The following ZEB2 variants were observed in gnomAD, a reference collection of about 807,000 sequenced individuals.
The protein encoded by ZEB2 is zinc finger E-box binding homeobox 2, also known as zinc finger E-box-binding homeobox 2.
Under a neutral mutation model 99.9 loss-of-function variants are expected in ZEB2, and 6 were observed. The observed-to-expected ratio is 0.06, with a 90% CI of 0.03 to 0.12. ZEB2 has a LOEUF of 0.12. Among genes scored for constraint, ZEB2 ranks in the 10% least tolerant of loss-of-function variants. The pLI is 1.00. For synonymous variants in ZEB2, 517 were observed against 542.5 expected (o/e 0.95, Z 0.65); for missense variants, 969 against 1,502.8 (o/e 0.64, Z 5.87).
chr2:144,469,768 A>G (rs1016046942), intron 2 of ZEB2, among the ~76,000 whole-genome samples: 1 of 152,202 alleles, frequency 6.6e-6, no homozygotes, highest in Non-Finnish European at 1.5e-5. Context: ...GAAAACATCA[A>G]AGAAACAAGA....
At chr2:144,463,586 T>C (rs757240702) in intron 2 of ZEB2, 1 of 152,104 alleles carries the variant, frequency 6.6e-6, no homozygotes, top group African/African-American at 2.4e-5. Context: ...CCCAGCACTT[T>C]GGGAGGCTGA....
chr2:144,441,164 CGAGAGAGAGA>C (rs113731061), intron 2 of ZEB2, among the ~76,000 whole-genome samples: 28 of 88,924 alleles, frequency 3.1e-4, no homozygotes, highest in Admixed American at 8.4e-4. Context: ...TTTAGCTGCA[CGAGAGAGAGA>C]GAGAGAGAGA....
chr2:144,481,798 A>T (rs1195901438), intron 2 of ZEB2, among the ~76,000 whole-genome samples: 1 of 152,242 alleles, frequency 6.6e-6, no homozygotes, highest in Non-Finnish European at 1.5e-5. Context: ...GAACAATTTC[A>T]AAACTGATGA....
intron 4 of ZEB2, among the ~76,000 whole-genome samples, chr2:144,412,460 A>G (rs1302769167): frequency 6.6e-6 from 1 of 152,228 alleles, no homozygotes; most frequent in African/African-American, 2.4e-5. Flanking sequence ...ATGTAGAGAC[A>G]CGTGAAACCT....
chr2:144,397,491 T>C (rs1052525822), intron 8 of ZEB2, among the ~76,000 whole-genome samples: 4 of 152,252 alleles, frequency 2.6e-5, no homozygotes, highest in African/African-American at 9.6e-5. Flanking sequence ...TGATAAAGCA[T>C]AATTATTAAC....
In ZEB2 at chr2:144,398,235, A is replaced by T. The variant is rs796878645; in HGVS notation, c.2886+66T>A. The stretch of plus-strand genomic sequence containing the variant: ...TTTTTCACTAAGATTTTTTTTTCCT[A>T]CATGCACATAATCAAAATAATTGCC... On this transcript the variant is annotated intron_variant, in intron 8 of 9. Coordinates refer to ENST00000627532, the MANE Select transcript of ZEB2 (RefSeq NM_014795.4). The T allele has an allele frequency of 3.3e-5, 53 of 1,591,654 alleles. No individual in the cohort carries two copies. In the African/African-American group the frequency reaches 6.6e-4, roughly 20 times the overall value.
chr2:144,396,728 G>A, intron 8 of ZEB2, 136 bp from the exon 9 acceptor site: 1 of 882,022 alleles, frequency 1.1e-6, no homozygotes, highest in Non-Finnish European at 1.8e-6. Context: ...TTTTTTCCAT[G>A]AACAATATAT....
intron 2 of ZEB2, among the ~76,000 whole-genome samples, chr2:144,465,873 C>T (rs569585795): frequency 1.2e-4 from 18 of 152,288 alleles, no homozygotes; most frequent in African/African-American, 3.8e-4. Context: ...GCCTTCTGCA[C>T]GTGACCTAAG....
chr2:144,430,084 C>G, intron 2 of ZEB2, 58 bp from the exon 3 acceptor site: 1 of 1,602,314 alleles, frequency 6.2e-7, no homozygotes, highest in South Asian at 1.1e-5. Context: ...CATCAGCCAC[C>G]CCTAATTGTT....
At chr2:144,460,591 C>T (rs1054405817) in intron 2 of ZEB2, among the ~76,000 whole-genome samples, 1 of 152,078 alleles carries the variant, frequency 6.6e-6, no homozygotes, top group African/African-American at 2.4e-5. Flanking sequence ...AAATTTCAAT[C>T]TCATCTTAAG....
At chr2:144,513,185 C>T (rs1304336268) in intron 2 of ZEB2, 1 of 1,286,764 alleles carries the variant, frequency 7.8e-7, no homozygotes, top group Admixed American at 2.3e-5. Context: ...CTTCTCCGTC[C>T]CTCATTGCCT....
intron 2 of ZEB2, among the ~76,000 whole-genome samples, chr2:144,479,886 C>T (rs1704485607): frequency 6.6e-6 from 1 of 152,104 alleles, no homozygotes; most frequent in Non-Finnish European, 1.5e-5. Flanking sequence ...TTCTATGCAG[C>T]TTGCCCAAGA....
chr2:144,486,582 T>G (rs1472142978), intron 2 of ZEB2, among the ~76,000 whole-genome samples: 3 of 152,190 alleles, frequency 2.0e-5, no homozygotes, highest in Non-Finnish European at 4.4e-5. Flanking sequence ...TAATATATTT[T>G]ACTGAAATGT....
Position 144,388,905 on chromosome 2 carries a change from T to G in ZEB2, c.*546A>C. On this transcript the variant is annotated 3_prime_UTR_variant, in exon 10 of 10. Transcript: ENST00000627532. This position sits in a 1 kb window ranked among gnomAD's most constrained non-coding sequence, Gnocchi z 5.4. ...TTCCTTCACAGAAAAAAAAAAAAATTGAGGCCTAAAATTGTGTGGTTACTT... is the reference window on the plus strand; with the variant it reads ...TTCCTTCACAGAAAAAAAAAAAAATGGAGGCCTAAAATTGTGTGGTTACTT... 2.2e-6 allele frequency: 1 copy of G among 445,530 alleles called. No homozygotes were observed. Among genetic ancestry groups the G allele is most frequent in the South Asian group, 1.7e-5 (1 of 60,428 alleles). The allele number at this position is 445,530 out of a possible 1,614,324, so 27.6% of individuals were successfully genotyped here. A position where few individuals can be genotyped will look rare whatever the true frequency, so the allele number is the denominator to read the frequency against.
rs2149891165 is a variant in ZEB2 at position 144,429,828 on chromosome 2, C to T, written c.272G>A (p.Gly91Asp). Residue 91 changes from glycine to aspartate, a missense_variant, in exon 3 of 10, where the codon GGT becomes GAT. This residue lies in a region of ZEB2 where 173 missense variants were observed against 217.7 expected (regional missense o/e 0.79). Transcript: ENST00000627532. ...REEEEDEIRE[G>D]GVEHPWHNNE... ...GTTGTGCCAGGGGTGTTCCACTCCA[C>T]CCTCCCTTATTTCATCTTCCTCTTC... 1 of 1,613,766 alleles carries T rather than the reference C, an allele frequency of 6.2e-7. No homozygotes were observed. Among genetic ancestry groups the T allele is most frequent in the Non-Finnish European group, 8.5e-7 (1 of 1,179,842 alleles).
chr2:144,471,931 T>G (rs1054692905), intron 2 of ZEB2, among the ~76,000 whole-genome samples: 1 of 152,094 alleles, frequency 6.6e-6, no homozygotes, highest in African/African-American at 2.4e-5. Context: ...AAAACGTAAA[T>G]TATTAACAAG....
rs113931533 is a variant in ZEB2, at chr2:144,431,395, A to AT, written c.74-1370dup. ...GTAAAAAAGGAACAAAAAGAGAGAGATTTTTTTTTTTTGTCATGTGAAGCT... is the reference window on the plus strand; with the variant it reads ...GTAAAAAAGGAACAAAAAGAGAGAGATTTTTTTTTTTTTGTCATGTGAAGCT... On this transcript the variant is annotated intron_variant, in intron 2 of 9. Transcript: ENST00000627532. Among the ~76,000 whole-genome samples the AT allele has an allele frequency of 4.5e-3, 665 of 146,788 alleles. 3 individuals carry two copies. The highest frequency in any genetic ancestry group is 3.6e-3 in the Middle Eastern group (1 of 280).
At chr2:144,513,553 T>C (rs1417236628) in intron 2 of ZEB2, 10 of 1,529,818 alleles carry the variant, frequency 6.5e-6, no homozygotes, top group Admixed American at 2.0e-5. Context: ...CCGGATTTGA[T>C]TTTTGCTACA....
intron 4 of ZEB2, among the ~76,000 whole-genome samples, chr2:144,414,956 G>GTGTGTGTGTGTGTTTGTA (rs1358637272): frequency 2.0e-5 from 3 of 147,638 alleles, no homozygotes; most frequent in Non-Finnish European, 4.4e-5. Flanking sequence ...GTATGTGTGT[G>GTGTGTGTGTGTGTTTGTA]TGTGTGTGTG....
Sources: allele counts gnomAD v4.1 joint callset (sites outside exome capture counted in the v4.1 genomes callset), GRCh38; gene constraint gnomAD v4.1.1; regional missense constraint gnomAD v4.1.1; non-coding constraint Gnocchi (gnomAD v3.1); transcripts MANE v1.5; gene names NCBI Gene and HGNC (gene_info 2026-07-23, HGNC 2026-07-21).